Variants in ADCY1 observed in about 807,000 individuals in gnomAD.
ADCY1 encodes adenylate cyclase 1, also known as adenylate cyclase type 1.
Under a neutral mutation model 105.4 loss-of-function variants are expected in ADCY1, and 28 were observed. That is an observed-to-expected ratio of 0.27 (90% CI 0.20 to 0.36). The LOEUF (loss-of-function observed/expected upper bound fraction) is 0.36. ADCY1 is among the 10% of genes least tolerant of loss of function. The pLI, the probability that ADCY1 is intolerant of heterozygous loss-of-function variation, is 1.00. For missense variants in ADCY1, 977 were observed against 1,434.2 expected (o/e 0.68, Z 5.15); for synonymous variants, 655 against 623.8 (o/e 1.05, Z -0.75).
chr7:45,714,372 T>A lies in ADCY1; in HGVS notation c.*377T>A, dbSNP rs1785325197. The stretch of plus-strand genomic sequence containing the variant: ...ATCCCAGGGTTACAGCAAGAGCCAC[T>A]GAGGTGTGGCTGGCAGAGCAACTGA... On this transcript the variant is annotated 3_prime_UTR_variant, in exon 20 of 20. Coordinates refer to ENST00000297323, the MANE Select transcript of ADCY1 (RefSeq NM_021116.4). The A allele has an allele frequency of 9.3e-6, 2 of 215,196 alleles. No individual in the cohort carries two copies. Among genetic ancestry groups the A allele is most frequent in the Non-Finnish European group, 1.8e-5 (2 of 108,180 alleles). The allele number at this position is 215,196 out of a possible 1,614,324, so 13.3% of individuals were successfully genotyped here.
At chr7:45,657,669 G>A (rs1483331609) in intron 5 of ADCY1, 58 bp from the exon 6 acceptor site, 2 of 1,551,996 alleles carry the variant, frequency 1.3e-6, no homozygotes, top group East Asian at 4.8e-5. Context: ...AGACCAAGGT[G>A]GCCCCCTGGG....
chr7:45,691,042 C>A (rs1157144102), intron 14 of ADCY1, among the ~76,000 whole-genome samples: 2 of 152,234 alleles, frequency 1.3e-5, no homozygotes. Flanking sequence ...GGCTATGACT[C>A]TTCCAGTTGA....
At chr7:45,583,090 T>C (rs1792608369) in intron 1 of ADCY1, among the ~76,000 whole-genome samples, 1 of 152,194 alleles carries the variant, frequency 6.6e-6, no homozygotes, top group Non-Finnish European at 1.5e-5. Flanking sequence ...TGAACATAGC[T>C]CTCTGGGTGG....
chr7:45,577,964 A>G (rs1274071236), intron 1 of ADCY1, among the ~76,000 whole-genome samples: 1 of 152,180 alleles, frequency 6.6e-6, no homozygotes, highest in Non-Finnish European at 1.5e-5. Flanking sequence ...GCTATGGAGA[A>G]AGTTCTTGTG....
At chr7:45,666,149 A>G (rs533517196) in intron 8 of ADCY1, among the ~76,000 whole-genome samples, 157 of 151,934 alleles carry the variant, frequency 1.0e-3, no homozygotes, top group African/African-American at 3.7e-3. Context: ...TTTTTTTTAA[A>G]TTATACTTTA....
chr7:45,615,548 A>G (rs1257688507), intron 3 of ADCY1, among the ~76,000 whole-genome samples: 1 of 152,184 alleles, frequency 6.6e-6, no homozygotes, highest in Non-Finnish European at 1.5e-5. Context: ...GCAGTGAGCT[A>G]TGAGCACACC....
At chr7:45,618,137 A>G (rs190806978) in intron 3 of ADCY1, among the ~76,000 whole-genome samples, 50 of 152,270 alleles carry the variant, frequency 3.3e-4, no homozygotes, top group African/African-American at 1.1e-3. Context: ...GGAAAAGACA[A>G]TCTCTTCAAT....
chr7:45,589,389 G>C (rs1284678240), intron 1 of ADCY1, among the ~76,000 whole-genome samples: 2 of 152,178 alleles, frequency 1.3e-5, no homozygotes, highest in Non-Finnish European at 2.9e-5. Context: ...TGGGGAGGCC[G>C]CCTGTCCCCC....
intron 4 of ADCY1, among the ~76,000 whole-genome samples, chr7:45,642,059 C>T (rs1198995289): frequency 6.6e-6 from 1 of 151,720 alleles, no homozygotes; most frequent in Non-Finnish European, 1.5e-5. Context: ...ATGACACAGA[C>T]AGTCCCGTGC....
intron 14 of ADCY1, among the ~76,000 whole-genome samples, chr7:45,688,373 G>A (rs888090269): frequency 1.3e-5 from 2 of 152,254 alleles, no homozygotes; most frequent in African/African-American, 4.8e-5. Context: ...TTGTCTGGCA[G>A]CCTGTTACTC....
At chr7:45,633,163 C>T (rs189336848) in intron 4 of ADCY1, among the ~76,000 whole-genome samples, 43 of 152,346 alleles carry the variant, frequency 2.8e-4, no homozygotes, top group African/African-American at 1.0e-3. Context: ...AGTGATCCAC[C>T]TGCCTCGGTC....
chr7:45,688,828 A>G (rs182525114), intron 14 of ADCY1, among the ~76,000 whole-genome samples: 3 of 152,114 alleles, frequency 2.0e-5, no homozygotes, highest in South Asian at 2.1e-4. Context: ...AACGATTACT[A>G]TAATCAATAT....
At chr7:45,657,175 G>A (rs1794964824) in intron 5 of ADCY1, among the ~76,000 whole-genome samples, 3 of 152,222 alleles carry the variant, frequency 2.0e-5, no homozygotes, top group Admixed American at 1.3e-4. Context: ...TGGCCTCCAG[G>A]CCTTGACCAT....
chr7:45,582,651 C>T (rs1184776637), intron 1 of ADCY1, among the ~76,000 whole-genome samples: 1 of 152,136 alleles, frequency 6.6e-6, no homozygotes, highest in Non-Finnish European at 1.5e-5. Context: ...CAGTGTTTCT[C>T]CTCTGTCCCC....
chr7:45,710,499 T>C lies in ADCY1; in HGVS notation c.2933-29T>C. On this transcript the variant is annotated intron_variant, in intron 18 of 19. Transcript: ENST00000297323. This position sits in a 1 kb window ranked among gnomAD's most constrained non-coding sequence, Gnocchi z 4.7. Reference sequence around the variant, plus strand: ...GGGTGAGTTACACTTTTCCCGCTGATGACAGGTCATGCGCTGGCTGTTTTC... The same window carrying C: ...GGGTGAGTTACACTTTTCCCGCTGACGACAGGTCATGCGCTGGCTGTTTTC... The C allele has an allele frequency of 6.2e-7, 1 of 1,609,894 alleles. No individual in the cohort carries two copies. Among genetic ancestry groups the C allele is most frequent in the Non-Finnish European group, 8.5e-7 (1 of 1,177,928 alleles).
chr7:45,685,224 T>C (rs980489108), intron 12 of ADCY1, among the ~76,000 whole-genome samples, 156 bp downstream of exon 12: 1 of 152,174 alleles, frequency 6.6e-6, no homozygotes, highest in Non-Finnish European at 1.5e-5. Context: ...AACAAGAGAC[T>C]TTACTTAGCA....
At chr7:45,711,806 CT>C (rs1451861809) in intron 19 of ADCY1, among the ~76,000 whole-genome samples, 1 of 89,002 alleles carries the variant, frequency 1.1e-5, no homozygotes, top group Non-Finnish European at 2.2e-5. Context: ...TATACTTATA[CT>C]TTTTTACAAT....
chr7:45,578,458 C>T (rs1157679854), intron 1 of ADCY1, among the ~76,000 whole-genome samples: 1 of 152,164 alleles, frequency 6.6e-6, no homozygotes, highest in African/African-American at 2.4e-5. Context: ...CTATTCAAGA[C>T]ATCCTTGGCT....
intron 3 of ADCY1, among the ~76,000 whole-genome samples, chr7:45,620,327 G>T (rs75258068): frequency 6.6e-6 from 1 of 152,056 alleles, no homozygotes; most frequent in Non-Finnish European, 1.5e-5. Flanking sequence ...CAACAATAAT[G>T]TATAGTACAC....
Sources: gnomAD v4.1 joint callset for allele counts (sites outside exome capture counted in the v4.1 genomes callset) on GRCh38, gnomAD v4.1.1 for gene constraint, Gnocchi (gnomAD v3.1) non-coding constraint, MANE v1.5 for transcripts, NCBI Gene and HGNC (gene_info 2026-07-23, HGNC 2026-07-21) for gene names.